The following EYS variants were observed in gnomAD, a reference collection of about 807,000 sequenced individuals.
EYS encodes protein eyes shut homolog.
In EYS, 250 loss-of-function variants were observed where a neutral mutation model predicts 282.1. The ratio of observed to expected loss-of-function variants is 0.89; its 90% CI spans 0.80 to 0.98. The LOEUF (loss-of-function observed/expected upper bound fraction) is 0.98, where lower values mean the gene tolerates loss of function less well. Ranked by LOEUF, EYS falls within the 50% of genes least tolerant of loss-of-function variation. EYS has a pLI of 0.00. For missense variants in EYS, 4,016 were observed against 3,709.0 expected (o/e 1.08, Z -2.15); for synonymous variants, 1,355 against 1,282.9 (o/e 1.06, Z -1.20).
At chr6:65,547,241 A>C (rs1346628472) in intron 2 of EYS, among the ~76,000 whole-genome samples, 2 of 150,456 alleles carry the variant, frequency 1.3e-5, no homozygotes, top group African/African-American at 4.9e-5. Context: ...CTATTTCCAC[A>C]GATATTTTCA....
At chr6:64,651,641 C>T (rs968908728) in intron 22 of EYS, among the ~76,000 whole-genome samples, 1 of 152,124 alleles carries the variant, frequency 6.6e-6, no homozygotes, top group Non-Finnish European at 1.5e-5. Flanking sequence ...CGAGACCGCG[C>T]CACCGCACTC....
chr6:64,518,821 G>T (rs9359962), intron 26 of EYS, among the ~76,000 whole-genome samples: 37,412 of 148,988 alleles, frequency 0.25, 5,200 homozygotes, highest in East Asian at 0.35. Context: ...CCTTGCTGCT[G>T]CCATGTGAAG....
intron 30 of EYS, among the ~76,000 whole-genome samples, chr6:64,294,675 G>GTGGT (rs2150367490): frequency 6.6e-6 from 1 of 152,122 alleles, no homozygotes; most frequent in East Asian, 1.9e-4. Context: ...CTTTTTCACT[G>GTGGT]TGGTTATACT....
At chr6:64,802,152 G>A (rs1231368415) in intron 22 of EYS, among the ~76,000 whole-genome samples, 1 of 146,146 alleles carries the variant, frequency 6.8e-6, no homozygotes, top group Non-Finnish European at 1.5e-5. Context: ...TCCTGCCTCA[G>A]CCTCCTGAGT....
chr6:64,519,381 T>C lies in EYS; in HGVS notation c.5644+70842A>G, dbSNP rs1242945918. On this transcript the variant is annotated intron_variant, in intron 26 of 42. Transcript: ENST00000503581. ...CGTTGTAAGTCTTTGATATAGAGATTTGCCTGCTCCTAATTTGAGGATACA... is the reference window on the plus strand; with the variant it reads ...CGTTGTAAGTCTTTGATATAGAGATCTGCCTGCTCCTAATTTGAGGATACA... Among the ~76,000 whole-genome samples, 5 of 151,884 alleles carry C rather than the reference T, an allele frequency of 3.3e-5. No individual in the cohort carries two copies. The East Asian group carries it at 9.7e-4, about 30-fold the overall frequency.
At chr6:65,113,970 C>T (rs1304776884) in intron 12 of EYS, among the ~76,000 whole-genome samples, 1 of 152,000 alleles carries the variant, frequency 6.6e-6, no homozygotes, top group African/African-American at 2.4e-5. Context: ...TAAACGATGG[C>T]ACTAAGAAAT....
intron 2 of EYS, among the ~76,000 whole-genome samples, chr6:65,546,924 C>T (rs1253017283): frequency 6.6e-6 from 1 of 152,046 alleles, no homozygotes; most frequent in African/African-American, 2.4e-5. Context: ...GAGCAGGCAG[C>T]ATTTGCCGTT....
At chr6:64,026,173 G>A (rs9362384) in intron 33 of EYS, among the ~76,000 whole-genome samples, 3 of 152,100 alleles carry the variant, frequency 2.0e-5, no homozygotes, top group Non-Finnish European at 2.9e-5. Flanking sequence ...TGCTGCATCA[G>A]TGAGCACAAC....
chr6:64,574,019 A>G (rs1765804413), intron 26 of EYS, among the ~76,000 whole-genome samples: 1 of 152,302 alleles, frequency 6.6e-6, no homozygotes, highest in South Asian at 2.1e-4. Flanking sequence ...AAGACTTGAA[A>G]CCAACCCAAA....
chr6:65,706,789 TG>T (rs1205648183), intron 1 of EYS, among the ~76,000 whole-genome samples: 1 of 152,084 alleles, frequency 6.6e-6, no homozygotes, highest in East Asian at 1.9e-4. Flanking sequence ...TAGCAGACAA[TG>T]GGGGAAAACC....
intron 12 of EYS, among the ~76,000 whole-genome samples, chr6:65,256,055 C>T (rs917135458): frequency 1.3e-5 from 2 of 151,972 alleles, no homozygotes; most frequent in African/African-American, 2.4e-5. Context: ...TCCCGTGCTG[C>T]TTGCAGCACT....
chr6:63,927,862 C>A (rs1454858690), intron 35 of EYS, among the ~76,000 whole-genome samples: 1 of 152,194 alleles, frequency 6.6e-6, no homozygotes, highest in African/African-American at 2.4e-5. Context: ...TTTTTATAGT[C>A]ATGACTGTTG....
intron 21 of EYS, among the ~76,000 whole-genome samples, chr6:64,818,392 T>C (rs952016940): frequency 6.6e-6 from 1 of 152,114 alleles, no homozygotes; most frequent in Non-Finnish European, 1.5e-5. Context: ...TAGGTTTCTC[T>C]AGAGAAACAG....
intron 9 of EYS, among the ~76,000 whole-genome samples, chr6:65,346,434 A>G (rs2150321887): frequency 6.6e-6 from 1 of 151,512 alleles, no homozygotes; most frequent in South Asian, 2.1e-4. Context: ...CAATGTCCGA[A>G]GTGTGTATAA....
At chr6:65,277,899 A>G (rs372014398) in intron 12 of EYS, among the ~76,000 whole-genome samples, 42 of 152,112 alleles carry the variant, frequency 2.8e-4, no homozygotes, top group African/African-American at 9.9e-4. Context: ...TTATTTGTCA[A>G]TTTTACTGGG....
chr6:63,741,867 C>A (rs567104677), intron 41 of EYS: 3 of 699,918 alleles, frequency 4.3e-6, no homozygotes, highest in African/African-American at 3.5e-5. Flanking sequence ...CTAGGGTAGT[C>A]AGGGTAGTCG....
chr6:65,476,915 G>C (rs964997682), intron 5 of EYS, among the ~76,000 whole-genome samples: 1 of 152,056 alleles, frequency 6.6e-6, no homozygotes, highest in African/African-American at 2.4e-5. Context: ...ATTTGATTGG[G>C]TTATTAAGGT....
At chr6:63,935,837 A>G (rs926958037) in intron 35 of EYS, among the ~76,000 whole-genome samples, 32 of 152,224 alleles carry the variant, frequency 2.1e-4, no homozygotes, top group Admixed American at 2.0e-3. Context: ...TATGATGTAG[A>G]TATTTTTATG....
rs1766407498 is a variant in EYS at position 64,591,468 on chromosome 6, C to T, written c.4399G>A (p.Glu1467Lys). ...ATPVVSRGAQEDIEEYSADSL... is the reference protein window; with the variant it reads ...ATPVVSRGAQKDIEEYSADSL... ...TCAGCTGAATATTCTTCAATATCCT[C>T]TTGAGCCCCCCTAGAGACAACTGGA... The change falls in exon 26 of 43, where the codon GAG becomes AAG. Residue 1467 changes from glutamate (E) to lysine (K), a missense_variant. By Grantham distance (56) the Glu-to-Lys change is moderately conservative. Coordinates refer to ENST00000503581, the MANE Select transcript of EYS (RefSeq NM_001142800.2). The T allele has an allele frequency of 6.4e-7, 1 of 1,551,368 alleles. No homozygotes were observed. Among genetic ancestry groups the T allele is most frequent in the East Asian group, 2.4e-5 (1 of 40,888 alleles).
Sources: gnomAD v4.1 joint callset for allele counts (sites outside exome capture counted in the v4.1 genomes callset) on GRCh38, gnomAD v4.1.1 for gene constraint, MANE v1.5 for transcripts, NCBI Gene and HGNC (gene_info 2026-07-23, HGNC 2026-07-21) for gene names.